Variants in DPP6 observed in about 807,000 individuals in gnomAD.
The protein encoded by DPP6 is A-type potassium channel modulatory protein DPP6.
Under a neutral mutation model 122.6 loss-of-function variants are expected in DPP6, and 69 were observed. The observed-to-expected ratio is 0.56, with a 90% CI of 0.46 to 0.69. The LOEUF is 0.69. Among genes scored for constraint, DPP6 ranks in the 30% least tolerant of loss-of-function variants. The pLI, the probability that DPP6 is intolerant of heterozygous loss-of-function variation, is 0.00. For synonymous variants in DPP6, 418 were observed against 433.1 expected, an observed-to-expected ratio of 0.97 and a Z score of 0.43; for missense variants, 928 against 1,116.9, an observed-to-expected ratio of 0.83 and a Z score of 2.41.
rs372735887 is a variant in DPP6 at position 154,494,112 on chromosome 7, G to A, written c.457+19075G>A. Among the ~76,000 whole-genome samples, 6 of 152,134 alleles carry A rather than the reference G, an allele frequency of 3.9e-5. No individual in the cohort carries two copies. The East Asian group carries it at 9.6e-4, about 24-fold the overall frequency. ...CTTACACCTGTAATCCCAGCCCTTT[G>A]GGAGGCCAAAGCCGAAACATCGCTT... is the stretch of plus-strand genomic sequence containing the variant. On this transcript the variant is annotated intron_variant, in intron 3 of 25. Transcript: ENST00000377770.
intron 5 of DPP6, among the ~76,000 whole-genome samples, chr7:154,633,248 A>C (rs180807337): frequency 9.9e-4 from 150 of 151,862 alleles, no homozygotes; most frequent in Middle Eastern, 6.8e-3. Context: ...TTATTCATTT[A>C]GTTTTTGAGA....
chr7:154,301,614 A>G (rs1805905120), intron 1 of DPP6, among the ~76,000 whole-genome samples: 1 of 152,120 alleles, frequency 6.6e-6, no homozygotes, highest in South Asian at 2.1e-4. Flanking sequence ...TTTGATCTCC[A>G]ATGAAAGATA....
At chr7:154,310,558 T>G (rs916210221) in intron 1 of DPP6, among the ~76,000 whole-genome samples, 1 of 152,206 alleles carries the variant, frequency 6.6e-6, no homozygotes, top group Non-Finnish European at 1.5e-5. Flanking sequence ...GTGCATTAAA[T>G]GCATTTTGTT....
intron 1 of DPP6, among the ~76,000 whole-genome samples, chr7:154,142,683 A>G (rs1387128539): frequency 6.6e-6 from 1 of 152,174 alleles, no homozygotes; most frequent in East Asian, 1.9e-4. Flanking sequence ...AGCTCTGCCT[A>G]TTCACATTAT....
chr7:153,758,909 A>C, the DPP6 span, among the ~76,000 whole-genome samples: 1 of 152,242 alleles, frequency 6.6e-6, no homozygotes, highest in African/African-American at 2.4e-5. Flanking sequence ...TGGAACAGCA[A>C]GATCATACAG....
intron 1 of DPP6, among the ~76,000 whole-genome samples, chr7:154,316,743 T>A (rs1479873126): frequency 2.0e-5 from 3 of 152,158 alleles, no homozygotes; most frequent in African/African-American, 7.2e-5. Flanking sequence ...AGATTTCAGA[T>A]GTGGGGGACA....
intron 4 of DPP6, among the ~76,000 whole-genome samples, chr7:154,564,045 G>A (rs181414397): frequency 1.3e-5 from 2 of 152,282 alleles, no homozygotes; most frequent in East Asian, 3.9e-4. Flanking sequence ...GAACCAGCGA[G>A]GGAGGTAGGA....
At chr7:154,512,165 G>A (rs1826139382) in intron 3 of DPP6, among the ~76,000 whole-genome samples, 1 of 152,060 alleles carries the variant, frequency 6.6e-6, no homozygotes, top group Admixed American at 6.6e-5. Context: ...AGATGTAATT[G>A]TGTTTCAATT....
At chr7:154,369,242 G>T (rs905924896) in intron 1 of DPP6, among the ~76,000 whole-genome samples, 1 of 151,678 alleles carries the variant, frequency 6.6e-6, no homozygotes, top group African/African-American at 2.4e-5. Flanking sequence ...TTAAAGACAC[G>T]CACCACCACG....
intron 1 of DPP6, among the ~76,000 whole-genome samples, chr7:154,015,106 A>C (rs1585178405): frequency 6.6e-6 from 1 of 152,134 alleles, no homozygotes; most frequent in East Asian, 1.9e-4. Context: ...CTCAAACCCA[A>C]GGAAATCTAG....
At chr7:154,193,399 C>A (rs762952000) in intron 1 of DPP6, among the ~76,000 whole-genome samples, 8 of 152,194 alleles carry the variant, frequency 5.3e-5, no homozygotes, top group Non-Finnish European at 1.5e-5. Flanking sequence ...AGTGGGATAT[C>A]TGTTAGAGCC....
At chr7:154,189,077 C>A (rs186948452) in intron 1 of DPP6, among the ~76,000 whole-genome samples, 1 of 152,128 alleles carries the variant, frequency 6.6e-6, no homozygotes, top group African/African-American at 2.4e-5. Flanking sequence ...CTCCTTCTTG[C>A]GTTCTGTGGG....
the DPP6 span, among the ~76,000 whole-genome samples, chr7:153,866,748 G>A: frequency 1.3e-5 from 2 of 152,202 alleles, no homozygotes; most frequent in Non-Finnish European, 2.9e-5. Flanking sequence ...GAATGGTATT[G>A]CCTAGGTTTC....
chr7:154,063,494 C>G lies in DPP6; in HGVS notation c.243+10431C>G, dbSNP rs1366846733. Among the ~76,000 whole-genome samples, 2 of 117,460 alleles carry G rather than the reference C, an allele frequency of 1.7e-5. 1 individual carries two copies. Among genetic ancestry groups the G allele is most frequent in the African/African-American group, 6.3e-5 (2 of 31,970 alleles). 77.1% of individuals were successfully genotyped at this position (117,460 alleles called of 152,430 possible). A position where few individuals can be genotyped will look rare whatever the true frequency, so the allele number is the denominator to read the frequency against. On this transcript the variant is annotated intron_variant, in intron 1 of 25. Transcript: ENST00000377770. Reference sequence around the variant, plus strand: ...ACTGAGAGCCATTCCCTCTTCCCCCCCTGGCTCTTAAGACCCCCATCGCAG... The same window carrying G: ...ACTGAGAGCCATTCCCTCTTCCCCCGCTGGCTCTTAAGACCCCCATCGCAG...
chr7:153,881,653 G>C, the DPP6 span, among the ~76,000 whole-genome samples: 2 of 152,236 alleles, frequency 1.3e-5, no homozygotes, highest in East Asian at 3.9e-4. Flanking sequence ...TCCTGTTTTT[G>C]TAGGACACGG....
intron 1 of DPP6, among the ~76,000 whole-genome samples, chr7:154,438,614 CT>C (rs1819106057): frequency 1.3e-5 from 2 of 151,954 alleles, no homozygotes; most frequent in Non-Finnish European, 2.9e-5. Flanking sequence ...CCAAGAGGAG[CT>C]CATTCTGTCT....
At chr7:154,690,403 C>G (rs6597408) in intron 7 of DPP6, among the ~76,000 whole-genome samples, 148,100 of 152,234 alleles carry the variant, frequency 0.97, 72,151 homozygotes, top group East Asian at 1. Flanking sequence ...CCTCCTCCCT[C>G]GAGGGCCTCA....
intron 10 of DPP6, among the ~76,000 whole-genome samples, chr7:154,782,688 G>A (rs1172318507): frequency 1.3e-5 from 2 of 152,082 alleles, no homozygotes; most frequent in Admixed American, 1.3e-4. Context: ...ATCACCTAGG[G>A]CCTTGTTAAG....
At chr7:153,868,805 C>G in the DPP6 span, among the ~76,000 whole-genome samples, 1 of 152,102 alleles carries the variant, frequency 6.6e-6, no homozygotes, top group African/African-American at 2.4e-5. Context: ...ATAAATTTCC[C>G]TCTACACACT....
Sources: gnomAD v4.1 joint callset for allele counts (sites outside exome capture counted in the v4.1 genomes callset) on GRCh38, gnomAD v4.1.1 for gene constraint, MANE v1.5 for transcripts, NCBI Gene and HGNC (gene_info 2026-07-23, HGNC 2026-07-21) for gene names.